The following KIF17 variants were observed in gnomAD, a reference collection of about 807,000 sequenced individuals.
KIF17 encodes kinesin family member 17.
KIF17 carries 80 observed loss-of-function variants against 96.8 expected under a neutral mutation model. The observed-to-expected ratio is 0.83, with a 90% CI of 0.69 to 1.00. The LOEUF is 1.00. Among genes scored for constraint, KIF17 ranks in the 50% least tolerant of loss-of-function variants. KIF17 has a pLI of 0.00. For synonymous variants in KIF17, 567 were observed against 587.5 expected (o/e 0.97, Z 0.51); for missense variants, 1,280 against 1,372.9 (o/e 0.93, Z 1.07).
At chr1:20,690,359 G>A in intron 6 of KIF17, 24 bp from the exon 7 acceptor site, 1 of 1,585,088 alleles carries the variant, frequency 6.3e-7, no homozygotes, top group Non-Finnish European at 8.6e-7. Context: ...AGGGACCAGA[G>A]GGCAGGCAGC....
rs1168855066 is a variant in KIF17, at chr1:20,717,851, A to ACCC, written c.-148_-146dup. The ACCC allele has an allele frequency of 3.7e-5, 23 of 615,810 alleles. No individual in the cohort carries two copies. Among genetic ancestry groups the ACCC allele is most frequent in the Non-Finnish European group, 4.1e-5 (21 of 506,868 alleles). 38.1% of individuals were successfully genotyped at this position (615,810 alleles called of 1,614,324 possible). ...GGCGGGGCCGCGGCGGGGGGCGGGG[A>ACCC]CCCCTCGGGGGGCGCCCCGGAGGGG... On this transcript the variant is annotated 5_prime_UTR_variant, in exon 1 of 15. Transcript: ENST00000400463.
At chr1:20,716,237 G>A (rs2054575366) in intron 1 of KIF17, among the ~76,000 whole-genome samples, 4 of 107,332 alleles carry the variant, frequency 3.7e-5, no homozygotes, top group Non-Finnish European at 5.8e-5. Flanking sequence ...GCGAGACTCC[G>A]TCTCAAAAAA....
At position 20,704,835 on chromosome 1, in the gene KIF17, C is replaced by T; in HGVS notation, c.735G>A (p.Glu245=). ...KLNLVDLAGS[E]RQSKTGATGE... ...CCGTGGCCCCGGTCTTGGACTGCCG[C>T]TCGCTGCCCGCCAGGTCCACCAGGT... The change falls in exon 5 of 15, where the codon GAG becomes GAA. Residue 245 remains glutamate (E), a synonymous_variant. Transcript: ENST00000400463. This position sits in a 1 kb window ranked among gnomAD's most constrained non-coding sequence, Gnocchi z 6.8. The T allele has an allele frequency of 1.2e-6, 2 of 1,605,452 alleles. No individual in the cohort carries two copies. The highest frequency in any genetic ancestry group is 1.7e-6 in the Non-Finnish European group (2 of 1,179,896).
Position 20,682,869 on chromosome 1 carries a change from C to T in KIF17, c.2247G>A (p.Glu749=), listed in dbSNP as rs1345528080. ...QQVLARLQLL[E]QQVVGGEQAK... is the part of the protein sequence containing the mutation. ...CCTGCTCTCCACCCACAACCTGCTG[C>T]TCCAACAGCTGCAGACTGCCGGCGT... Residue 749 remains glutamate, a synonymous_variant, in exon 11 of 15, where the codon GAG becomes GAA. Transcript: ENST00000400463. The T allele has an allele frequency of 6.2e-7, 1 of 1,610,828 alleles. No individual in the cohort carries two copies. The highest frequency in any genetic ancestry group is 1.7e-5 in the Admixed American group (1 of 60,028).
At chr1:20,711,383 C>T (rs1171753817) in intron 3 of KIF17, among the ~76,000 whole-genome samples, 1 of 152,156 alleles carries the variant, frequency 6.6e-6, no homozygotes, top group African/African-American at 2.4e-5. Context: ...AACCCCACTC[C>T]ACCCCCGACG....
intron 3 of KIF17, among the ~76,000 whole-genome samples, chr1:20,712,070 G>A (rs1040214687): frequency 6.6e-6 from 1 of 152,188 alleles, no homozygotes; most frequent in Admixed American, 6.5e-5. Context: ...CAATAGGCCT[G>A]AGACCCATGG....
downstream of KIF17, among the ~76,000 whole-genome samples, chr1:20,662,684 A>T (rs192018816): frequency 3.3e-5 from 5 of 152,186 alleles, no homozygotes; most frequent in Non-Finnish European, 7.3e-5. Flanking sequence ...CTTTGCTCTC[A>T]GGTCTCCACC....
At chr1:20,667,717 G>A (rs905014276) in intron 13 of KIF17, among the ~76,000 whole-genome samples, 4 of 152,310 alleles carry the variant, frequency 2.6e-5, no homozygotes, top group East Asian at 1.9e-4. Flanking sequence ...AACAAGAGGT[G>A]AAGACATAGG....
At chr1:20,697,598 C>G (rs1570464852) in intron 6 of KIF17, among the ~76,000 whole-genome samples, 1 of 152,164 alleles carries the variant, frequency 6.6e-6, no homozygotes, top group African/African-American at 2.4e-5. Flanking sequence ...CAACAAGACG[C>G]TGTCTCAAAA....
At chr1:20,706,977 T>C (rs1196715861) in intron 4 of KIF17, among the ~76,000 whole-genome samples, 1 of 151,952 alleles carries the variant, frequency 6.6e-6, no homozygotes, top group Non-Finnish European at 1.5e-5. Context: ...GTGCCTGTTG[T>C]CCCAGCTACT....
rs1193396668 is a variant in KIF17, at chr1:20,704,460, G to A, written c.1110C>T (p.Pro370=). 6.2e-7 allele frequency: 1 copy of A among 1,613,834 alleles called. No homozygotes were observed. Among genetic ancestry groups the A allele is most frequent in the African/African-American group, 1.3e-5 (1 of 74,932 alleles). ...LKAILTQQMS[P]SSLSALLSRQ... ...ACGTGGTCCCACCTGACAGGCTGCTGGGGCTCATCTGCTGTGTCAGGATGG... is the reference window on the plus strand; with the variant it reads ...ACGTGGTCCCACCTGACAGGCTGCTAGGGCTCATCTGCTGTGTCAGGATGG... The change falls in exon 5 of 15, where the codon CCC becomes CCT. Residue 370 remains proline (P), a synonymous_variant. Coordinates refer to ENST00000400463, the MANE Select transcript of KIF17 (RefSeq NM_001122819.3). This position sits in a 1 kb window ranked among gnomAD's most constrained non-coding sequence, Gnocchi z 6.8.
chr1:20,705,705 G>A (rs935186919), intron 4 of KIF17, among the ~76,000 whole-genome samples: 3 of 151,998 alleles, frequency 2.0e-5, no homozygotes, highest in Non-Finnish European at 4.4e-5. Flanking sequence ...GCCGGGGTTC[G>A]TGCGGAAGCC....
At chr1:20,712,074 C>A (rs145361287) in intron 3 of KIF17, among the ~76,000 whole-genome samples, 6 of 152,178 alleles carry the variant, frequency 3.9e-5, no homozygotes, top group African/African-American at 1.4e-4. Flanking sequence ...AGGCCTGAGA[C>A]CCATGGCTCA....
intron 7 of KIF17, 95 bp downstream of exon 7, chr1:20,690,093 G>A (rs562281585): frequency 1.4e-5 from 19 of 1,350,294 alleles, no homozygotes; most frequent in East Asian, 4.7e-5. Context: ...CCTGATCCTC[G>A]GGTGTAGAAA....
At chr1:20,679,001 C>CAA (rs34906395) in intron 11 of KIF17, among the ~76,000 whole-genome samples, 16 of 86,622 alleles carry the variant, frequency 1.8e-4, no homozygotes, top group South Asian at 8.2e-4. Context: ...TCTTCCTTGG[C>CAA]AAAAAAAAAA....
intron 3 of KIF17, among the ~76,000 whole-genome samples, chr1:20,711,112 TTCC>T (rs776489108): frequency 3.3e-5 from 5 of 152,112 alleles, no homozygotes; most frequent in Non-Finnish European, 7.4e-5. Context: ...CAATTTTCTC[TTCC>T]ATAAAATGGG....
rs887239466 is a variant in KIF17, at chr1:20,709,403, T to C, written c.670+236A>G. Among the ~76,000 whole-genome samples, 2 of 152,016 alleles carry C rather than the reference T, an allele frequency of 1.3e-5. No individual in the cohort carries two copies. Among genetic ancestry groups the C allele is most frequent in the Non-Finnish European group, 2.9e-5 (2 of 67,996 alleles). On this transcript the variant is annotated intron_variant, in intron 4 of 14. Coordinates refer to ENST00000400463, the MANE Select transcript of KIF17 (RefSeq NM_001122819.3). The surrounding 1 kb of genome is among the most constrained non-coding windows in gnomAD (Gnocchi z 4.7). ...CAAAAAACAAATAAATAAATAAAAA[T>C]TGTCTGGCACACAGTGAGCGCTCAA...
rs753059794 is a variant in KIF17, at chr1:20,684,940, C to T, written c.2100G>A (p.Pro700=). 1.3e-5 allele frequency: 21 copies of T among 1,601,884 alleles called. No homozygotes were observed. Among genetic ancestry groups the T allele is most frequent in the Middle Eastern group, 1.7e-4 (1 of 6,046 alleles). ...GCTCAGGCTGAGCCACCAGGGCCAC[C>T]GGGGCCTGAGCCTCCAACCACACGC... is the stretch of plus-strand genomic sequence containing the variant. ...EPGVWLEAQA[P]VALVAQPEPL... The change falls in exon 10 of 15, where the codon CCG becomes CCA. Residue 700 remains proline (P), a synonymous_variant. Coordinates refer to ENST00000400463, the MANE Select transcript of KIF17 (RefSeq NM_001122819.3).
chr1:20,686,958 G>A (rs770146118), intron 8 of KIF17, among the ~76,000 whole-genome samples: 14 of 152,228 alleles, frequency 9.2e-5, no homozygotes, highest in Admixed American at 2.6e-4. Flanking sequence ...CAGAAGCCTC[G>A]TGGTCACTGA....
Sources: allele counts gnomAD v4.1 joint callset (sites outside exome capture counted in the v4.1 genomes callset), GRCh38; gene constraint gnomAD v4.1.1; non-coding constraint Gnocchi (gnomAD v3.1); transcripts MANE v1.5; gene names NCBI Gene and HGNC (gene_info 2026-07-23, HGNC 2026-07-21).